SCAPER: variants seen among roughly 807,000 people sequenced by gnomAD.
SCAPER encodes the protein S phase cyclin A-associated protein in the endoplasmic reticulum.
Under a neutral mutation model 182.2 loss-of-function variants are expected in SCAPER, and 98 were observed. That is an observed-to-expected ratio of 0.54 (90% confidence interval 0.46 to 0.64). The LOEUF (loss-of-function observed/expected upper bound fraction) is 0.64, where lower values mean the gene tolerates loss of function less well. SCAPER is among the 30% of genes least tolerant of loss of function. SCAPER has a pLI of 0.00. For synonymous variants in SCAPER, 605 were observed against 564.6 expected (o/e 1.07, Z -1.01); for missense variants, 1,432 against 1,690.0 (o/e 0.85, Z 2.68).
At chr15:76,729,289 T>TAC (rs1166540568) in intron 16 of SCAPER, among the ~76,000 whole-genome samples, 2,419 of 101,712 alleles carry the variant, frequency 0.024, 65 homozygotes, top group African/African-American at 0.1. Context: ...CACATATATA[T>TAC]ACACATACAC....
At chr15:76,348,801 A>C (rs758366960) in intron 31 of SCAPER, 65 bp from the exon 32 acceptor site, 31 of 974,272 alleles carry the variant, frequency 3.2e-5, no homozygotes, top group Non-Finnish European at 4.6e-5. Context: ...AAGATTCATA[A>C]ATTAAACTTA....
chr15:76,364,375 G>A (rs1321669358), intron 29 of SCAPER, among the ~76,000 whole-genome samples: 1 of 152,132 alleles, frequency 6.6e-6, no homozygotes, highest in African/African-American at 2.4e-5. Flanking sequence ...AAGGAAGAAG[G>A]GAAAGAGGAA....
intron 23 of SCAPER, among the ~76,000 whole-genome samples, chr15:76,534,207 C>T (rs1315749240): frequency 2.0e-5 from 3 of 152,146 alleles, no homozygotes; most frequent in Non-Finnish European, 4.4e-5. Context: ...CTACAGTTCC[C>T]CTGTATTTGA....
chr15:76,584,501 T>C (rs2048489629), intron 22 of SCAPER, among the ~76,000 whole-genome samples: 2 of 152,176 alleles, frequency 1.3e-5, no homozygotes, highest in African/African-American at 4.8e-5. Context: ...TATATACCTG[T>C]ATCAAAATAT....
intron 23 of SCAPER, among the ~76,000 whole-genome samples, chr15:76,532,114 A>T (rs1026272587): frequency 7.9e-5 from 12 of 152,088 alleles, no homozygotes; most frequent in Admixed American, 2.6e-4. Context: ...CCCATGGAAG[A>T]ACCCTAAAAC....
chr15:76,803,434 T>A (rs986560611), intron 6 of SCAPER, among the ~76,000 whole-genome samples: 56 of 152,362 alleles, frequency 3.7e-4, no homozygotes, highest in Admixed American at 9.8e-4. Flanking sequence ...AAGCTGTATT[T>A]CTTCTTGATG....
intron 5 of SCAPER, among the ~76,000 whole-genome samples, chr15:76,835,927 T>A: frequency 9.2e-6 from 1 of 108,488 alleles, no homozygotes; most frequent in Non-Finnish European, 1.9e-5. Context: ...CCATTCACAT[T>A]AGCCACAAAA....
At chr15:76,575,519 T>C (rs143944385) in intron 22 of SCAPER, among the ~76,000 whole-genome samples, 5 of 152,328 alleles carry the variant, frequency 3.3e-5, no homozygotes, top group Admixed American at 6.5e-5. Context: ...TTCTTCTCTG[T>C]TCCTCTTATT....
chr15:76,875,177 G>GC (rs1029012274), intron 2 of SCAPER, among the ~76,000 whole-genome samples: 1 of 151,994 alleles, frequency 6.6e-6, no homozygotes, highest in Non-Finnish European at 1.5e-5. Flanking sequence ...AATCATTTAA[G>GC]CAACAAATTA....
In SCAPER at chr15:76,351,295, G is replaced by A. The variant is rs1325378034; in HGVS notation, c.4048-7C>T. The stretch of plus-strand genomic sequence containing the variant: ...CTGGAGTCTGTGCCAAATCCTGTAT[G>A]AGGAGAGAAAAGTGTTTTTCTATCA... On this transcript the variant is annotated splice_region_variant and splice_polypyrimidine_tract_variant and intron_variant, in intron 30 of 31. Transcript: ENST00000563290. 6.2e-7 allele frequency: 1 copy of A among 1,605,858 alleles called. No homozygotes were observed. The highest frequency in any genetic ancestry group is 8.5e-7 in the Non-Finnish European group (1 of 1,176,026).
intron 29 of SCAPER, among the ~76,000 whole-genome samples, chr15:76,367,843 C>T (rs2041910004): frequency 6.6e-6 from 1 of 152,174 alleles, no homozygotes; most frequent in South Asian, 2.1e-4. Flanking sequence ...AGCCAGTTCA[C>T]TCATCAGAAG....
chr15:76,496,365 A>C (rs1277514839), intron 24 of SCAPER, among the ~76,000 whole-genome samples: 2 of 152,212 alleles, frequency 1.3e-5, no homozygotes, highest in Admixed American at 1.3e-4. Flanking sequence ...TGCTCATTAT[A>C]AAGTTAATGA....
At chr15:76,744,451 A>T (rs913664653) in intron 15 of SCAPER, among the ~76,000 whole-genome samples, 1 of 152,160 alleles carries the variant, frequency 6.6e-6, no homozygotes, top group African/African-American at 2.4e-5. Context: ...AAAAACAAAT[A>T]ACCCCATTTT....
intron 25 of SCAPER, among the ~76,000 whole-genome samples, chr15:76,441,123 A>G (rs1466966387): frequency 6.6e-6 from 1 of 151,598 alleles, no homozygotes; most frequent in Non-Finnish European, 1.5e-5. Context: ...GGGTTTCACC[A>G]TGTTAGCCAG....
intron 12 of SCAPER, 45 bp from the exon 13 acceptor site, chr15:76,765,499 T>A: frequency 6.2e-7 from 1 of 1,609,496 alleles, no homozygotes; most frequent in Non-Finnish European, 8.5e-7. Context: ...CATAGGTCTA[T>A]AAAACATTTG....
intron 25 of SCAPER, among the ~76,000 whole-genome samples, chr15:76,439,322 G>C (rs147686291): frequency 1.3e-5 from 2 of 152,064 alleles, no homozygotes; most frequent in Non-Finnish European, 2.9e-5. Context: ...CAAGCAATCC[G>C]ACCACCTTAG....
intron 20 of SCAPER, among the ~76,000 whole-genome samples, chr15:76,691,596 A>C (rs2058362513): frequency 6.6e-6 from 1 of 152,148 alleles, no homozygotes; most frequent in African/African-American, 2.4e-5. Context: ...TAATCAATAA[A>C]TTCTTGGAAT....
intron 21 of SCAPER, among the ~76,000 whole-genome samples, chr15:76,624,727 G>A (rs867084021): frequency 8.5e-5 from 13 of 152,216 alleles, no homozygotes; most frequent in African/African-American, 2.7e-4. Context: ...AGTGGCAGCA[G>A]TGGGCCAAAT....
intron 26 of SCAPER, among the ~76,000 whole-genome samples, chr15:76,430,948 G>A (rs147083921): frequency 1.3e-5 from 2 of 151,980 alleles, no homozygotes; most frequent in African/African-American, 4.8e-5. Flanking sequence ...TGAATCATGG[G>A]GGCAGGTCTT....
Sources: allele counts gnomAD v4.1 joint callset (sites outside exome capture counted in the v4.1 genomes callset), GRCh38; gene constraint gnomAD v4.1.1; transcripts MANE v1.5; gene names NCBI Gene and HGNC (gene_info 2026-07-23, HGNC 2026-07-21).